EYS: variants seen among roughly 807,000 people sequenced by gnomAD.
The protein encoded by EYS is EGF-like photoreceptor maintenance factor.
A neutral mutation model predicts 282.1 loss-of-function variants in EYS; 250 were observed. The ratio of observed to expected loss-of-function variants is 0.89; its 90% CI spans 0.80 to 0.98. The LOEUF (loss-of-function observed/expected upper bound fraction) is 0.98, where lower values mean the gene tolerates loss of function less well. EYS is among the 50% of genes least tolerant of loss of function. The pLI, the probability that EYS is intolerant of heterozygous loss-of-function variation, is 0.00. For missense variants in EYS, 4,016 were observed against 3,709.0 expected (o/e 1.08, Z -2.15); for synonymous variants, 1,355 against 1,282.9 (o/e 1.06, Z -1.20).
chr6:65,190,528 A>G (rs959413652), intron 12 of EYS, among the ~76,000 whole-genome samples: 2 of 151,474 alleles, frequency 1.3e-5, no homozygotes, highest in Non-Finnish European at 3.0e-5. Context: ...TCTGGTCTTT[A>G]TAACCATTTG....
chr6:63,824,266 G>A (rs904357809), intron 36 of EYS, among the ~76,000 whole-genome samples: 2 of 152,174 alleles, frequency 1.3e-5, no homozygotes, highest in Admixed American at 1.3e-4. Flanking sequence ...CCCACTAAGT[G>A]ATTTTATGAA....
intron 35 of EYS, among the ~76,000 whole-genome samples, chr6:63,901,073 T>C (rs1212682364): frequency 1.3e-5 from 2 of 152,182 alleles, no homozygotes; most frequent in African/African-American, 4.8e-5. Context: ...AGATATTAGA[T>C]ATAGCATACA....
chr6:65,284,710 C>T (rs1167114098), intron 12 of EYS, among the ~76,000 whole-genome samples: 2 of 151,770 alleles, frequency 1.3e-5, no homozygotes, highest in Non-Finnish European at 2.9e-5. Flanking sequence ...TACCTTATGC[C>T]AAGGTAAATA....
intron 31 of EYS, among the ~76,000 whole-genome samples, chr6:64,171,631 G>A (rs1453077651): frequency 6.7e-6 from 1 of 148,214 alleles, no homozygotes; most frequent in African/African-American, 2.5e-5. Flanking sequence ...TGATATAACA[G>A]TCTTCCACTG....
chr6:64,969,661 T>A (rs926699454), intron 14 of EYS, among the ~76,000 whole-genome samples: 1 of 152,066 alleles, frequency 6.6e-6, no homozygotes, highest in Non-Finnish European at 1.5e-5. Flanking sequence ...CATCTCTGCA[T>A]TCCAAGATAA....
chr6:65,121,222 G>C (rs1416388663), intron 12 of EYS, among the ~76,000 whole-genome samples: 3 of 152,018 alleles, frequency 2.0e-5, no homozygotes, highest in Non-Finnish European at 2.9e-5. Flanking sequence ...AGACACTTGT[G>C]CACATTGATC....
intron 12 of EYS, among the ~76,000 whole-genome samples, chr6:65,208,870 A>G (rs935061664): frequency 1.3e-5 from 2 of 151,818 alleles, no homozygotes; most frequent in African/African-American, 2.4e-5. Context: ...GAATATACTA[A>G]AAGCCCAAAC....
chr6:64,484,197 T>C lies in EYS; in HGVS notation c.5645-44845A>G, dbSNP rs545934773. ...TCTTAAGGGAGTGGCATGAAGGCCT[T>C]ACCTACTTTAAGCAAAAGAGATTGC... is the stretch of plus-strand genomic sequence containing the variant. On this transcript the variant is annotated intron_variant, in intron 26 of 42. Transcript: ENST00000503581. 6.6e-5 allele frequency among the ~76,000 whole-genome samples: 10 copies of C among 151,614 alleles called. No homozygotes were observed. The South Asian group carries it at 1.9e-3, about 28-fold the overall frequency.
intron 35 of EYS, among the ~76,000 whole-genome samples, chr6:63,958,577 A>G (rs552750627): frequency 6.6e-6 from 1 of 152,364 alleles, no homozygotes; most frequent in South Asian, 2.1e-4. Flanking sequence ...GCTACACTAA[A>G]CAACAGAGTT....
intron 31 of EYS, among the ~76,000 whole-genome samples, chr6:64,163,395 C>T (rs191715173): frequency 4.6e-5 from 7 of 152,084 alleles, no homozygotes; most frequent in Admixed American, 3.3e-4. Context: ...GAAAGAAAAT[C>T]CAAGCTAAAA....
At chr6:65,012,237 T>A (rs1771897808) in intron 13 of EYS, among the ~76,000 whole-genome samples, 1 of 152,186 alleles carries the variant, frequency 6.6e-6, no homozygotes, top group South Asian at 2.1e-4. Context: ...GAAATAGGAT[T>A]ATTTGATTCA....
Position 64,953,183 on chromosome 6 carries a change from A to G in EYS, c.2260-7269T>C, listed in dbSNP as rs73767197. Among the ~76,000 whole-genome samples, 1,269 of 151,952 alleles carry G rather than the reference A, an allele frequency of 8.4e-3. 17 individuals are homozygous for G. The highest frequency in any genetic ancestry group is 0.029 in the African/African-American group (1,210 of 41,542). On this transcript the variant is annotated intron_variant, in intron 14 of 42. Transcript: ENST00000503581. ...TTTTGAAAAGTTTTTATACATTAGA[A>G]TTATTGTATTTTATTCAGTCTTAGC...
intron 33 of EYS, among the ~76,000 whole-genome samples, chr6:64,029,891 A>G (rs1299041228): frequency 6.6e-6 from 1 of 152,250 alleles, no homozygotes; most frequent in African/African-American, 2.4e-5. Flanking sequence ...ATGCTGCAAT[A>G]TGGAAAGAGA....
intron 12 of EYS, among the ~76,000 whole-genome samples, chr6:65,183,530 G>T (rs1461518499): frequency 2.0e-5 from 3 of 151,612 alleles, no homozygotes; most frequent in Admixed American, 1.3e-4. Context: ...AAGTTTATTT[G>T]GAAATACAGT....
chr6:64,544,830 G>C (rs897897223), intron 26 of EYS, among the ~76,000 whole-genome samples: 2 of 152,088 alleles, frequency 1.3e-5, no homozygotes, highest in Admixed American at 6.5e-5. Flanking sequence ...GGAAGAAGTT[G>C]AATCTCTGAA....
chr6:64,653,580 A>AT (rs1165205043), intron 22 of EYS, among the ~76,000 whole-genome samples: 2 of 151,352 alleles, frequency 1.3e-5, no homozygotes, highest in Non-Finnish European at 2.9e-5. Context: ...CTTTCTTTTC[A>AT]TTTTTTTGAG....
At chr6:65,533,362 A>C (rs1767851552) in intron 2 of EYS, among the ~76,000 whole-genome samples, 1 of 152,118 alleles carries the variant, frequency 6.6e-6, no homozygotes, top group South Asian at 2.1e-4. Flanking sequence ...ACCAAAAAAA[A>C]GTCCAGGCCC....
intron 19 of EYS, among the ~76,000 whole-genome samples, chr6:64,850,758 A>C (rs1386509845): frequency 6.6e-6 from 1 of 152,100 alleles, no homozygotes; most frequent in Non-Finnish European, 1.5e-5. Context: ...TCTATTTACT[A>C]TGCAGATGAA....
intron 31 of EYS, among the ~76,000 whole-genome samples, chr6:64,118,413 CA>C (rs1773462419): frequency 6.6e-6 from 1 of 151,970 alleles, no homozygotes; most frequent in Non-Finnish European, 1.5e-5. Flanking sequence ...TTTTTGACAG[CA>C]GCTCCAAGAA....
Sources: gnomAD v4.1 joint callset for allele counts (sites outside exome capture counted in the v4.1 genomes callset) on GRCh38, gnomAD v4.1.1 for gene constraint, MANE v1.5 for transcripts, NCBI Gene and HGNC (gene_info 2026-07-23, HGNC 2026-07-21) for gene names.